The following BNC2 variants were observed in gnomAD, a reference collection of about 807,000 sequenced individuals.
The protein encoded by BNC2 is basonuclin zinc finger protein 2.
BNC2 carries 20 observed loss-of-function variants against 76.3 expected under a neutral mutation model. The ratio of observed to expected loss-of-function variants is 0.26; its 90% CI spans 0.18 to 0.38. BNC2 has a LOEUF of 0.38. BNC2 is among the 10% of genes least tolerant of loss of function. The probability of loss-of-function intolerance (pLI) is 1.00; values close to 1 mark genes in which losing one functional copy is unlikely to be tolerated. For synonymous variants in BNC2, 582 were observed against 514.8 expected, an observed-to-expected ratio of 1.13 and a Z score of -1.77; for missense variants, 1,382 against 1,399.8, an observed-to-expected ratio of 0.99 and a Z score of 0.20.
At chr9:16,739,293 T>G (rs988687969) in intron 1 of BNC2, among the ~76,000 whole-genome samples, 2 of 152,166 alleles carry the variant, frequency 1.3e-5, no homozygotes, top group African/African-American at 4.8e-5. Context: ...TGATCATTAT[T>G]TTGCTCCAAG....
At chr9:16,568,257 A>C (rs994345143) in intron 4 of BNC2, among the ~76,000 whole-genome samples, 1 of 152,144 alleles carries the variant, frequency 6.6e-6, no homozygotes, top group African/African-American at 2.4e-5. Flanking sequence ...AACTCTTTCC[A>C]CGATTACTTT....
chr9:16,422,271 C>G (rs1054308776), intron 6 of BNC2, among the ~76,000 whole-genome samples: 6 of 152,190 alleles, frequency 3.9e-5, no homozygotes, highest in African/African-American at 1.4e-4. Flanking sequence ...CTCTGGCACT[C>G]TGTTCAACAG....
chr9:16,589,314 T>C (rs772715937), intron 3 of BNC2, among the ~76,000 whole-genome samples: 1 of 151,842 alleles, frequency 6.6e-6, no homozygotes. Context: ...GCCTCCCAAG[T>C]AGCTGGGACT....
intron 5 of BNC2, among the ~76,000 whole-genome samples, chr9:16,481,065 G>A (rs189199598): frequency 4.0e-4 from 61 of 152,256 alleles, no homozygotes; most frequent in African/African-American, 1.1e-3. Flanking sequence ...GTTTGTAAAC[G>A]CACCAATCAG....
chr9:16,610,350 G>T (rs1262156124), intron 3 of BNC2, among the ~76,000 whole-genome samples: 1 of 152,148 alleles, frequency 6.6e-6, no homozygotes, highest in Non-Finnish European at 1.5e-5. Flanking sequence ...AACTTGAAAG[G>T]AACGGCCAGT....
At chr9:16,857,307 G>A (rs555851159) in intron 1 of BNC2, among the ~76,000 whole-genome samples, 3 of 151,628 alleles carry the variant, frequency 2.0e-5, no homozygotes, top group East Asian at 3.9e-4. Flanking sequence ...GTGAAACCCC[G>A]TCTAAACATA....
intron 3 of BNC2, among the ~76,000 whole-genome samples, chr9:16,725,770 C>T (rs1345402188): frequency 6.6e-6 from 1 of 152,084 alleles, no homozygotes; most frequent in Non-Finnish European, 1.5e-5. Flanking sequence ...AATTCTGACC[C>T]ATCATTTATA....
intron 1 of BNC2, among the ~76,000 whole-genome samples, chr9:16,739,406 C>T (rs1212164819): frequency 2.6e-5 from 4 of 152,186 alleles, no homozygotes; most frequent in East Asian, 1.9e-4. Flanking sequence ...TGGTGGCTCA[C>T]GCCTCTAATC....
chr9:16,490,020 T>C (rs951409838), intron 5 of BNC2, among the ~76,000 whole-genome samples: 4 of 152,194 alleles, frequency 2.6e-5, no homozygotes, highest in Admixed American at 2.0e-4. Flanking sequence ...CACGGATCTT[T>C]CTATTCTTCC....
At chr9:16,580,179 T>A (rs1819594747) in intron 4 of BNC2, 1 of 398,392 alleles carries the variant, frequency 2.5e-6, no homozygotes, top group Non-Finnish European at 4.4e-6. Context: ...AAGCAATTAG[T>A]TGTAATGCTA....
At chr9:16,557,612 A>G (rs1336714750) in intron 4 of BNC2, among the ~76,000 whole-genome samples, 1 of 152,140 alleles carries the variant, frequency 6.6e-6, no homozygotes, top group Non-Finnish European at 1.5e-5. Flanking sequence ...ATCATGGGTC[A>G]GAGAACATCC....
intron 5 of BNC2, among the ~76,000 whole-genome samples, chr9:16,500,856 G>A (rs1166926554): frequency 6.6e-6 from 1 of 152,136 alleles, no homozygotes; most frequent in East Asian, 1.9e-4. Context: ...TGAGACAGGT[G>A]GTTATTGGGT....
chr9:16,855,027 T>C (rs1228014994), intron 1 of BNC2, among the ~76,000 whole-genome samples: 1 of 151,684 alleles, frequency 6.6e-6, no homozygotes, highest in East Asian at 1.9e-4. Context: ...ATAATCTGAC[T>C]CCCCATTTAA....
At chr9:16,777,734 A>G (rs1006046666) in intron 1 of BNC2, among the ~76,000 whole-genome samples, 1 of 151,504 alleles carries the variant, frequency 6.6e-6, no homozygotes, top group Non-Finnish European at 1.5e-5. Flanking sequence ...TTAGGATGTA[A>G]AAAGCATGTC....
chr9:16,811,709 G>A lies in BNC2; in HGVS notation c.3+58937C>T, dbSNP rs1478917990. On this transcript the variant is annotated intron_variant, in intron 1 of 6. Coordinates refer to ENST00000380672, the MANE Select transcript of BNC2 (RefSeq NM_017637.6). The stretch of plus-strand genomic sequence containing the variant: ...AAACCTTTCTGCAAAATGTCCCTGG[G>A]AAGCTATGCATGTGGAGGCACTCCA... 2.6e-5 allele frequency among the ~76,000 whole-genome samples: 4 copies of A among 152,156 alleles called. No individual in the cohort carries two copies. The East Asian group carries it at 7.7e-4, about 29-fold the overall frequency.
At chr9:16,792,790 T>C (rs1413256928) in intron 1 of BNC2, among the ~76,000 whole-genome samples, 2 of 152,230 alleles carry the variant, frequency 1.3e-5, no homozygotes. Context: ...ACATTTTCAG[T>C]AACACTGACC....
At chr9:16,845,769 C>G (rs978238745) in intron 1 of BNC2, among the ~76,000 whole-genome samples, 1 of 152,024 alleles carries the variant, frequency 6.6e-6, no homozygotes, top group Non-Finnish European at 1.5e-5. Context: ...AATCCAAACC[C>G]CACGTTCCAG....
chr9:16,763,352 C>T (rs981143762), intron 1 of BNC2, among the ~76,000 whole-genome samples: 7 of 151,976 alleles, frequency 4.6e-5, no homozygotes, highest in Admixed American at 1.3e-4. Flanking sequence ...GGAGTATCGC[C>T]TGAGCCCAAG....
At chr9:16,428,038 T>C (rs555817102) in intron 6 of BNC2, among the ~76,000 whole-genome samples, 63 of 152,362 alleles carry the variant, frequency 4.1e-4, no homozygotes, top group African/African-American at 1.4e-3. Context: ...AGTGTTTTTT[T>C]AATACCATTA....
Sources: allele counts gnomAD v4.1 joint callset (sites outside exome capture counted in the v4.1 genomes callset), GRCh38; gene constraint gnomAD v4.1.1; transcripts MANE v1.5; gene names NCBI Gene and HGNC (gene_info 2026-07-23, HGNC 2026-07-21).